Variants in RAG2 observed in about 807,000 individuals in gnomAD.
The protein encoded by RAG2 is V(D)J recombination-activating protein 2.
In RAG2, 16 loss-of-function variants were observed where a neutral mutation model predicts 31.8. The observed-to-expected ratio is 0.50, with a 90% confidence interval of 0.34 to 0.76. RAG2 has a LOEUF of 0.76. Ranked by LOEUF, RAG2 falls within the 30% of genes least tolerant of loss-of-function variation. RAG2 has a pLI of 0.01. For synonymous variants in RAG2, 199 were observed against 215.9 expected, an observed-to-expected ratio of 0.92 and a Z score of 0.68; for missense variants, 622 against 628.5, an observed-to-expected ratio of 0.99 and a Z score of 0.11.
chr11:36,591,228 T>C (rs1461883253), downstream of RAG2, among the ~76,000 whole-genome samples: 1 of 152,182 alleles, frequency 6.6e-6, no homozygotes, highest in East Asian at 1.9e-4. Flanking sequence ...TTAATTTCAG[T>C]ATCTGGGGAC....
rs1851036714 is a variant in RAG2 at position 36,592,481 on chromosome 11, T to C, written c.*104A>G. The stretch of plus-strand genomic sequence containing the variant: ...TAATTCATGTAACTAAAAGAAAACA[T>C]AGGCATTTTAAATAAACAAAAATGT... On this transcript the variant is annotated 3_prime_UTR_variant, in exon 2 of 2. Coordinates refer to ENST00000311485, the MANE Select transcript of RAG2 (RefSeq NM_000536.4). 2.9e-6 allele frequency: 4 copies of C among 1,397,098 alleles called. No homozygotes were observed. Among genetic ancestry groups the C allele is most frequent in the Admixed American group, 4.5e-5 (2 of 44,280 alleles). 86.5% of individuals were successfully genotyped at this position (1,397,098 alleles called of 1,614,324 possible). A position where few individuals can be genotyped will look rare whatever the true frequency, so the allele number is the denominator to read the frequency against.
In RAG2 at chr11:36,593,698, T is replaced by C. The variant is rs957651635; in HGVS notation, c.471A>G (p.Gly157=). ...GGGTAGAAGGCATGTATGAGCGTCC[T>C]CCAAAGAGAACACCCATACTTTTCC... ...SRGKSMGVLF[G]GRSYMPSTHR... Residue 157 remains glycine, a synonymous_variant, in exon 2 of 2, where the codon GGA becomes GGG. Coordinates refer to ENST00000311485, the MANE Select transcript of RAG2 (RefSeq NM_000536.4). The C allele has an allele frequency of 6.2e-7, 1 of 1,614,056 alleles. No individual in the cohort carries two copies. The highest frequency in any genetic ancestry group is 1.3e-5 in the African/African-American group (1 of 74,936).
rs1232663113 is a variant in RAG2, at chr11:36,593,408, C to T, written c.761G>A (p.Gly254Glu). ...SPAVNCTVLPGGISVSSAILT... is the reference protein window; with the variant it reads ...SPAVNCTVLPEGISVSSAILT... ...GATTGCACTGGAGACAGAGATTCCT[C>T]CTGGCAAGACTGTGCAATTCACAGC... The change falls in exon 2 of 2, where the codon GGA becomes GAA. Residue 254 changes from glycine (G) to glutamate (E), a missense_variant. Physicochemically the swap from Gly to Glu is moderately conservative, Grantham distance 98. Transcript: ENST00000311485. The T allele has an allele frequency of 1.9e-6, 3 of 1,613,910 alleles. No homozygotes were observed. Among genetic ancestry groups the T allele is most frequent in the Non-Finnish European group, 2.5e-6 (3 of 1,180,034 alleles).
Position 36,593,255 on chromosome 11 carries a change from G to A in RAG2, c.914C>T (p.Pro305Leu), listed in dbSNP as rs756192655. 12 of 1,614,020 alleles carry A rather than the reference G, an allele frequency of 7.4e-6. No homozygotes were observed. Among genetic ancestry groups the A allele is most frequent in the Non-Finnish European group, 1.0e-5 (12 of 1,180,030 alleles). ...GTGCTTAATGTCTGGGGTCCAATCT[G>A]GGGTCTCCATCTCACGAATTTCTAT... Reference protein sequence around the residue: ...NKIEIREMETPDWTPDIKHSK... With the variant: ...NKIEIREMETLDWTPDIKHSK... Residue 305 changes from proline (P) to leucine (L), a missense_variant, in exon 2 of 2, where the codon CCA becomes CTA. Transcript: ENST00000311485.
rs577287426 is a variant in RAG2, at chr11:36,595,496, A to G, written c.-27-1301T>C. Reference sequence around the variant, plus strand: ...CATAGCACAGATTTCTTGACTTTTAAGAGTTAATTCTTAATATGCTTCAAA... The same window carrying G: ...CATAGCACAGATTTCTTGACTTTTAGGAGTTAATTCTTAATATGCTTCAAA... On this transcript the variant is annotated intron_variant, in intron 1 of 1. Coordinates refer to ENST00000311485, the MANE Select transcript of RAG2 (RefSeq NM_000536.4). 2.0e-5 allele frequency among the ~76,000 whole-genome samples: 3 copies of G among 152,326 alleles called. No individual in the cohort carries two copies. In the East Asian group the frequency reaches 5.8e-4, roughly 29 times the overall value.
chr11:36,596,684 G>T (rs1222273725), intron 1 of RAG2, among the ~76,000 whole-genome samples: 1 of 152,206 alleles, frequency 6.6e-6, no homozygotes, highest in Non-Finnish European at 1.5e-5. Context: ...AGGCCTGCTT[G>T]TTTCAAACAC....
At position 36,594,379 on chromosome 11, in the gene RAG2, A is replaced by G. The variant is rs375822686; in HGVS notation, c.-27-184T>C. The G allele has an allele frequency of 6.1e-4, 365 of 600,318 alleles. 4 individuals are homozygous for G. The South Asian group carries it at 6.5e-3, about 11-fold the overall frequency. The allele number at this position is 600,318 out of a possible 1,614,324, so 37.2% of individuals were successfully genotyped here. ...AGAACCTTTACTGCCATTCCATCCAAGGAGCTGGGACATGTTTTAGCCACG... is the reference window on the plus strand; with the variant it reads ...AGAACCTTTACTGCCATTCCATCCAGGGAGCTGGGACATGTTTTAGCCACG... On this transcript the variant is annotated intron_variant, in intron 1 of 1. Coordinates refer to ENST00000311485, the MANE Select transcript of RAG2 (RefSeq NM_000536.4).
At chr11:36,597,892 T>C (rs1851340667) in intron 1 of RAG2, among the ~76,000 whole-genome samples, 1 of 152,126 alleles carries the variant, frequency 6.6e-6, no homozygotes, top group Non-Finnish European at 1.5e-5. Flanking sequence ...TTAATAATAG[T>C]GCTCTAAAGG....
rs1056173155 is a variant in RAG2 at position 36,597,054 on chromosome 11, A to G, written c.-28+1048T>C. On this transcript the variant is annotated intron_variant, in intron 1 of 1. Coordinates refer to ENST00000311485, the MANE Select transcript of RAG2 (RefSeq NM_000536.4). ...AACAGTGGTAAAGTTTCTTATTGCT[A>G]AGATGAATTACCTCCTCTTGTAACA... is the stretch of plus-strand genomic sequence containing the variant. Among the ~76,000 whole-genome samples the G allele has an allele frequency of 2.0e-5, 3 of 152,216 alleles. No homozygotes were observed. The South Asian group carries it at 6.2e-4, about 32-fold the overall frequency.
Position 36,593,774 on chromosome 11 carries a change from T to G in RAG2, c.395A>C (p.Asp132Ala). 1 of 1,614,188 alleles carries G rather than the reference T, an allele frequency of 6.2e-7. No homozygotes were observed. Among genetic ancestry groups the G allele is most frequent in the Non-Finnish European group, 8.5e-7 (1 of 1,180,032 alleles). Residue 132 changes from aspartate to alanine, a missense_variant, in exon 2 of 2, where the codon GAT becomes GCT. Coordinates refer to ENST00000311485, the MANE Select transcript of RAG2 (RefSeq NM_000536.4). ...FRCTEKDLVG[D>A]VPEARYGHSI... Reference sequence around the variant, plus strand: ...ATGACCATATCTGGCTTCAGGAACATCTCCTACCAAGTCTTTCTCTGTGCA... The same window carrying G: ...ATGACCATATCTGGCTTCAGGAACAGCTCCTACCAAGTCTTTCTCTGTGCA...
intron 1 of RAG2, chr11:36,594,405 G>A: frequency 1.7e-6 from 1 of 572,560 alleles, no homozygotes; most frequent in Non-Finnish European, 3.1e-6. Flanking sequence ...TTTAGCCACG[G>A]ACTATATGCT....
rs142797325 is a variant in RAG2 at position 36,594,106 on chromosome 11, C to T, written c.63G>A (p.Leu21=). Residue 21 remains leucine (L), a synonymous_variant, in exon 2 of 2, where the codon CTG becomes CTA. Transcript: ENST00000311485. The part of the protein sequence containing the change: ...NIALIQPGFS[L]MNFDGQVFFF... ...AGAAAACTTGTCCATCAAAATTCAT[C>T]AGTGAGAAGCCTGGCTGAATTAAGG... 1.2e-4 allele frequency: 188 copies of T among 1,614,068 alleles called. 1 individual carries two copies. The East Asian group carries it at 4.1e-3, about 36-fold the overall frequency.
chr11:36,592,780 T>A lies in RAG2; in HGVS notation c.1389A>T (p.Glu463Asp). ...CTGCTGACAGATGGATGAGTGTGCG[T>A]TCTGCCAGATCCATGCACTGAGCAT... ...WVHAQCMDLA[E>D]RTLIHLSAGS... The change falls in exon 2 of 2, where the codon GAA (glutamate) becomes GAT (aspartate). Residue 463 changes from glutamate to aspartate, a missense_variant. By Grantham distance (45) the Glu-to-Asp change is conservative. Coordinates refer to ENST00000311485, the MANE Select transcript of RAG2 (RefSeq NM_000536.4). 3 of 1,614,130 alleles carry A rather than the reference T, an allele frequency of 1.9e-6. No homozygotes were observed. The highest frequency in any genetic ancestry group is 2.5e-6 in the Non-Finnish European group (3 of 1,180,020).
intron 1 of RAG2, among the ~76,000 whole-genome samples, chr11:36,596,153 T>C (rs1456894331): frequency 6.6e-6 from 1 of 151,434 alleles, no homozygotes; most frequent in African/African-American, 2.4e-5. Flanking sequence ...TCTTTATTCC[T>C]CCTGCAAAGA....
intron 1 of RAG2, among the ~76,000 whole-genome samples, chr11:36,597,243 G>C (rs1851305938): frequency 6.6e-6 from 1 of 152,174 alleles, no homozygotes; most frequent in African/African-American, 2.4e-5. Flanking sequence ...CACTGGAGTA[G>C]ACCATTGTAT....
rs12280564 is a variant in RAG2 at position 36,592,402 on chromosome 11, G to T, written c.*183C>A. The stretch of plus-strand genomic sequence containing the variant: ...GGGTAAAATATTTTCAAAATGTATA[G>T]GGTCTAGAATGACTTTATTTATCAT... On this transcript the variant is annotated 3_prime_UTR_variant, in exon 2 of 2. Coordinates refer to ENST00000311485, the MANE Select transcript of RAG2 (RefSeq NM_000536.4). 9.2e-3 allele frequency: 6,642 copies of T among 723,624 alleles called. 308 individuals carry two copies. In the African/African-American group the frequency reaches 0.11, roughly 11 times the overall value. 44.8% of individuals were successfully genotyped at this position (723,624 alleles called of 1,614,324 possible). A position where few individuals can be genotyped will look rare whatever the true frequency, so the allele number is the denominator to read the frequency against.
In RAG2 at chr11:36,592,596, A is replaced by G. The variant is rs1851039823; in HGVS notation, c.1573T>C (p.Leu525=). ...TPAKKSFLRR[L]FD ...AGGCTTTTGCAAAACTAATCAAACA[A>G]CCTTCTAAGAAAGGATTTCTTGGCA... Residue 525 remains leucine, a synonymous_variant, in exon 2 of 2, where the codon TTG becomes CTG. Transcript: ENST00000311485. The G allele has an allele frequency of 1.2e-6, 2 of 1,613,972 alleles. No homozygotes were observed. The highest frequency in any genetic ancestry group is 2.2e-5 in the South Asian group (2 of 91,072).
Position 36,593,824 on chromosome 11 carries a change from C to T in RAG2, c.345G>A (p.Lys115=). ...DKIYVMSIVC[K]NNKKVTFRCT... ...AGCGAAAAGTAACCTTTTTGTTGTTCTTGCAAACAATAGACATGACATAAA... is the reference window on the plus strand; with the variant it reads ...AGCGAAAAGTAACCTTTTTGTTGTTTTTGCAAACAATAGACATGACATAAA... Residue 115 remains lysine (K), a synonymous_variant, in exon 2 of 2, where the codon AAG becomes AAA. Coordinates refer to ENST00000311485, the MANE Select transcript of RAG2 (RefSeq NM_000536.4). 1 of 1,614,180 alleles carries T rather than the reference C, an allele frequency of 6.2e-7. No homozygotes were observed. The highest frequency in any genetic ancestry group is 8.5e-7 in the Non-Finnish European group (1 of 1,180,004).
intron 1 of RAG2, among the ~76,000 whole-genome samples, chr11:36,596,999 T>A (rs529605319): frequency 1.6e-4 from 25 of 152,334 alleles, no homozygotes; most frequent in African/African-American, 6.0e-4. Flanking sequence ...GCTCTGCTTT[T>A]GGCTCATTTC....
Sources: allele counts gnomAD v4.1 joint callset (sites outside exome capture counted in the v4.1 genomes callset), GRCh38; gene constraint gnomAD v4.1.1; transcripts MANE v1.5; gene names NCBI Gene and HGNC (gene_info 2026-07-23, HGNC 2026-07-21).